KCNH7: variants seen among roughly 807,000 people sequenced by gnomAD.
KCNH7 encodes the protein voltage-gated inwardly rectifying potassium channel KCNH7.
Under a neutral mutation model 120.8 loss-of-function variants are expected in KCNH7, and 49 were observed. The observed-to-expected ratio is 0.41, with a 90% CI of 0.32 to 0.51. The LOEUF (loss-of-function observed/expected upper bound fraction) is 0.51. KCNH7 is among the 20% of genes least tolerant of loss of function. The pLI, the probability that KCNH7 is intolerant of heterozygous loss-of-function variation, is 0.38. For synonymous variants in KCNH7, 547 were observed against 516.1 expected (o/e 1.06, Z -0.81); for missense variants, 1,097 against 1,446.6 (o/e 0.76, Z 3.92).
chr2:162,836,891 T>C (rs2105632263), intron 1 of KCNH7, 124 bp from the exon 2 acceptor site: 1 of 604,028 alleles, frequency 1.7e-6, no homozygotes, highest in Non-Finnish European at 2.9e-6. Flanking sequence ...TACTAATCTC[T>C]CCAGCCCTTA....
intron 2 of KCNH7, among the ~76,000 whole-genome samples, chr2:162,539,478 A>C (rs1262330924): frequency 6.6e-6 from 1 of 152,076 alleles, no homozygotes; most frequent in Admixed American, 6.6e-5. Context: ...ATAGGCTTGT[A>C]ATAGAGCAGT....
At chr2:162,769,927 G>GT (rs1305091801) in intron 2 of KCNH7, among the ~76,000 whole-genome samples, 16 of 152,034 alleles carry the variant, frequency 1.1e-4, no homozygotes, top group Admixed American at 2.0e-4. Context: ...GTATAATCAT[G>GT]TTTTTAACCC....
chr2:162,773,075 G>A (rs1006988919), intron 2 of KCNH7, among the ~76,000 whole-genome samples: 1 of 152,080 alleles, frequency 6.6e-6, no homozygotes, highest in Admixed American at 6.5e-5. Flanking sequence ...TTTGTAGAAC[G>A]GTAGTTGTTT....
intron 2 of KCNH7, among the ~76,000 whole-genome samples, chr2:162,719,779 CAAAT>C (rs1292908447): frequency 6.6e-6 from 1 of 151,884 alleles, no homozygotes; most frequent in African/African-American, 2.4e-5. Flanking sequence ...AACAAACAAA[CAAAT>C]AAACAAAATA....
intron 2 of KCNH7, among the ~76,000 whole-genome samples, chr2:162,595,045 T>C (rs1039533311): frequency 2.6e-5 from 4 of 152,234 alleles, no homozygotes; most frequent in Admixed American, 2.6e-4. Context: ...GACTGGCTAA[T>C]TTCTAAAGGA....
intron 6 of KCNH7, among the ~76,000 whole-genome samples, chr2:162,475,749 C>G (rs1243851509): frequency 6.6e-6 from 1 of 152,174 alleles, no homozygotes; most frequent in Non-Finnish European, 1.5e-5. Context: ...CACCCACCCA[C>G]CAGCAGTGTG....
At chr2:162,652,409 T>C (rs1413845159) in intron 2 of KCNH7, among the ~76,000 whole-genome samples, 1 of 152,098 alleles carries the variant, frequency 6.6e-6, no homozygotes, top group Non-Finnish European at 1.5e-5. Flanking sequence ...TTAGAAAGAC[T>C]TGGACGGGGT....
intron 2 of KCNH7, among the ~76,000 whole-genome samples, chr2:162,759,305 T>C (rs376703518): frequency 7.9e-5 from 12 of 152,088 alleles, no homozygotes; most frequent in African/African-American, 2.7e-4. Flanking sequence ...ACACAGGTCC[T>C]GGGAAGTTGT....
chr2:162,825,852 T>C (rs757178149), intron 2 of KCNH7, among the ~76,000 whole-genome samples: 3 of 152,154 alleles, frequency 2.0e-5, no homozygotes, highest in South Asian at 4.1e-4. Flanking sequence ...GTTAAAAACA[T>C]GCATGAATGC....
intron 3 of KCNH7, among the ~76,000 whole-genome samples, chr2:162,522,016 T>G (rs1353828604): frequency 6.6e-6 from 1 of 151,840 alleles, no homozygotes; most frequent in Non-Finnish European, 1.5e-5. Flanking sequence ...AACATTAAAC[T>G]CTGGATTAAT....
chr2:162,749,309 T>C lies in KCNH7; in HGVS notation c.307+87228A>G, dbSNP rs527501412. Among the ~76,000 whole-genome samples the C allele has an allele frequency of 1.2e-4, 18 of 152,010 alleles. No individual in the cohort carries two copies. In the East Asian group the frequency reaches 3.5e-3, roughly 29 times the overall value. ...CACTAAATGTTAAGGAATATGGAAATGGGATACAAAGCAGAAAATAGATAC... is the reference window on the plus strand; with the variant it reads ...CACTAAATGTTAAGGAATATGGAAACGGGATACAAAGCAGAAAATAGATAC... On this transcript the variant is annotated intron_variant, in intron 2 of 15. Coordinates refer to ENST00000332142, the MANE Select transcript of KCNH7 (RefSeq NM_033272.4).
rs946208191 is a variant in KCNH7 at position 162,470,055 on chromosome 2, T to C, written c.1129-23612A>G. On this transcript the variant is annotated intron_variant, in intron 6 of 15. Transcript: ENST00000332142. ...GTGCAGTGGCGTGATCTCGGCTCGCTACAACCTCCATCTCCCAGCCGCCTG... is the reference window on the plus strand; with the variant it reads ...GTGCAGTGGCGTGATCTCGGCTCGCCACAACCTCCATCTCCCAGCCGCCTG... Among the ~76,000 whole-genome samples the C allele has an allele frequency of 4.8e-3, 724 of 152,286 alleles. 12 individuals are homozygous for C. The highest frequency in any genetic ancestry group is 4.2e-3 in the Non-Finnish European group (286 of 68,010).
At chr2:162,373,441 A>T in intron 15 of KCNH7, 29 bp downstream of exon 15, 2 of 1,429,884 alleles carry the variant, frequency 1.4e-6, no homozygotes, top group South Asian at 1.6e-5. Context: ...TGTGAGAGAC[A>T]CTCTTGGTTG....
chr2:162,484,781 T>C (rs940765438), intron 6 of KCNH7, among the ~76,000 whole-genome samples: 1 of 152,102 alleles, frequency 6.6e-6, no homozygotes. Flanking sequence ...TGAGAGCTGA[T>C]TGTTAAAAAG....
chr2:162,565,555 T>C (rs1693223676), intron 2 of KCNH7, among the ~76,000 whole-genome samples: 1 of 152,044 alleles, frequency 6.6e-6, no homozygotes, highest in African/African-American at 2.4e-5. Context: ...TTTTTCTGTA[T>C]GAAAGATCTC....
chr2:162,536,215 A>G (rs2105824555), intron 3 of KCNH7, among the ~76,000 whole-genome samples: 1 of 152,074 alleles, frequency 6.6e-6, no homozygotes, highest in East Asian at 1.9e-4. Flanking sequence ...TAAAAGACGC[A>G]TTATTTTCTA....
chr2:162,374,230 T>G (rs933344143), intron 14 of KCNH7, among the ~76,000 whole-genome samples: 7 of 152,204 alleles, frequency 4.6e-5, no homozygotes, highest in African/African-American at 1.7e-4. Flanking sequence ...TTTTCCCTCT[T>G]AATATGTCAT....
intron 6 of KCNH7, chr2:162,501,989 G>C (rs577572939): frequency 6.6e-6 from 1 of 152,042 alleles, no homozygotes; most frequent in African/African-American, 2.4e-5. Flanking sequence ...GCTTTTGATG[G>C]AAACTGTTGC....
rs1691220437 is a variant in KCNH7 at position 162,514,669 on chromosome 2, AT to A, written c.893-1996del. ...CAATTGGGGTTTATATTTTATGTCT[AT>A]TTTTTACATTTTATTTTTCCAGTAG... is the stretch of plus-strand genomic sequence containing the variant. On this transcript the variant is annotated intron_variant, in intron 4 of 15. Transcript: ENST00000332142. Among the ~76,000 whole-genome samples the A allele has an allele frequency of 5.9e-5, 9 of 151,738 alleles. No homozygotes were observed. In the South Asian group the frequency reaches 1.9e-3, roughly 32 times the overall value.
Sources: gnomAD v4.1 joint callset for allele counts (sites outside exome capture counted in the v4.1 genomes callset) on GRCh38, gnomAD v4.1.1 for gene constraint, MANE v1.5 for transcripts, NCBI Gene and HGNC (gene_info 2026-07-23, HGNC 2026-07-21) for gene names.